The following NCALD variants were observed in gnomAD, a reference collection of about 807,000 sequenced individuals.
NCALD encodes neurocalcin-delta.
NCALD carries 10 observed loss-of-function variants against 18.6 expected under a neutral mutation model. The ratio of observed to expected loss-of-function variants is 0.54; its 90% CI spans 0.33 to 0.91. NCALD has a LOEUF of 0.91. Among genes scored for constraint, NCALD ranks in the 40% least tolerant of loss-of-function variants. NCALD has a pLI of 0.03. For missense variants in NCALD, 184 were observed against 247.6 expected, an observed-to-expected ratio of 0.74 and a Z score of 1.72; for synonymous variants, 88 against 87.4, an observed-to-expected ratio of 1.01 and a Z score of -0.04.
intron 4 of NCALD, among the ~76,000 whole-genome samples, chr8:101,796,790 G>A (rs182619562): frequency 3.9e-5 from 6 of 152,262 alleles, no homozygotes; most frequent in South Asian, 4.1e-4. Context: ...AAAAGACACC[G>A]TGAAAGGAAA....
chr8:101,807,028 G>T (rs1813128108), intron 4 of NCALD, among the ~76,000 whole-genome samples: 1 of 152,052 alleles, frequency 6.6e-6, no homozygotes, highest in South Asian at 2.1e-4. Flanking sequence ...AAAGAAGACA[G>T]CTGTCAACCA....
chr8:101,837,886 A>G (rs977368078), intron 4 of NCALD, among the ~76,000 whole-genome samples: 3 of 152,190 alleles, frequency 2.0e-5, no homozygotes, highest in Non-Finnish European at 4.4e-5. Context: ...AAGTCTCAAC[A>G]TTGAAACATT....
chr8:101,874,001 G>A (rs1290682063), intron 4 of NCALD, among the ~76,000 whole-genome samples: 1 of 152,190 alleles, frequency 6.6e-6, no homozygotes, highest in Non-Finnish European at 1.5e-5. Flanking sequence ...TTCACCCCAG[G>A]AAATAGTAGC....
chr8:101,953,097 CTCACAGAGTGGA>C (rs1351637834), intron 2 of NCALD, among the ~76,000 whole-genome samples: 1 of 152,130 alleles, frequency 6.6e-6, no homozygotes, highest in Non-Finnish European at 1.5e-5. Context: ...ACTCCAGTCT[CTCACAGAGTGGA>C]GTAGCTGTCA....
intron 1 of NCALD, among the ~76,000 whole-genome samples, chr8:102,067,350 A>T (rs1226895667): frequency 2.0e-5 from 3 of 152,176 alleles, no homozygotes; most frequent in Non-Finnish European, 4.4e-5. Flanking sequence ...ATCAGTTATC[A>T]CTGAAACAAT....
chr8:101,997,602 C>A (rs1314834484), intron 2 of NCALD, among the ~76,000 whole-genome samples: 1 of 152,172 alleles, frequency 6.6e-6, no homozygotes, highest in Non-Finnish European at 1.5e-5. Context: ...AGAATGTAAT[C>A]TTCTCGGCAT....
At chr8:102,101,081 C>T (rs1825264072) in intron 1 of NCALD, among the ~76,000 whole-genome samples, 1 of 152,174 alleles carries the variant, frequency 6.6e-6, no homozygotes. Context: ...TATACCACGA[C>T]CAGCAACAAA....
At chr8:101,712,587 C>CAAAAAAAAAAAAAAAAAAAAAAAAA (rs201729096) in intron 2 of NCALD, among the ~76,000 whole-genome samples, 1 of 78,904 alleles carries the variant, frequency 1.3e-5, no homozygotes, top group Non-Finnish European at 2.5e-5. Context: ...AAATGGAAAG[C>CAAAAAAAAAAAAAAAAAAAAAAAAA]AAAAAAAAAA....
At chr8:101,908,217 T>C (rs1586736923) in intron 3 of NCALD, among the ~76,000 whole-genome samples, 1 of 152,362 alleles carries the variant, frequency 6.6e-6, no homozygotes, top group East Asian at 1.9e-4. Context: ...TTAAATCACA[T>C]GCCAGGTGGC....
chr8:102,078,194 T>TA (rs918903352), intron 1 of NCALD, among the ~76,000 whole-genome samples: 48 of 152,218 alleles, frequency 3.2e-4, no homozygotes, highest in African/African-American at 1.1e-3. Context: ...CTCTTCTTTT[T>TA]ATCACACCAT....
chr8:101,957,903 T>C (rs1199314479), intron 2 of NCALD, among the ~76,000 whole-genome samples: 1 of 152,004 alleles, frequency 6.6e-6, no homozygotes, highest in East Asian at 1.9e-4. Flanking sequence ...ACAGCAGAGG[T>C]CCCTTACTTG....
At chr8:102,123,141 T>C (rs1277975583) in intron 1 of NCALD, among the ~76,000 whole-genome samples, 3 of 152,256 alleles carry the variant, frequency 2.0e-5, no homozygotes, top group Non-Finnish European at 2.9e-5. Flanking sequence ...CAGCAAACTC[T>C]GCTCTTGGTA....
rs1308614091 is a variant in NCALD at position 101,689,601 on chromosome 8, A to G, written c.485-195T>C. On this transcript the variant is annotated intron_variant, in intron 3 of 3. Coordinates refer to ENST00000220931, the MANE Select transcript of NCALD (RefSeq NM_032041.3). The surrounding 1 kb of genome is among the most constrained non-coding windows in gnomAD (Gnocchi z 4.4). ...ACACTGCTGCCTCATTCACCATGGC[A>G]TTGCCAGCACTTAGGACAGTACATG... is the stretch of plus-strand genomic sequence containing the variant. Among the ~76,000 whole-genome samples the G allele has an allele frequency of 6.6e-6, 1 of 152,230 alleles. No homozygotes were observed. Among genetic ancestry groups the G allele is most frequent in the African/African-American group, 2.4e-5 (1 of 41,462 alleles).
intron 2 of NCALD, among the ~76,000 whole-genome samples, chr8:102,012,108 C>T (rs1387926337): frequency 6.6e-6 from 1 of 152,100 alleles, no homozygotes; most frequent in East Asian, 1.9e-4. Flanking sequence ...TGAGTCCACA[C>T]TGGGAATGCA....
At chr8:101,811,994 T>C (rs886939545) in intron 4 of NCALD, among the ~76,000 whole-genome samples, 1 of 152,204 alleles carries the variant, frequency 6.6e-6, no homozygotes, top group Non-Finnish European at 1.5e-5. Context: ...AAATCTAGCA[T>C]TGCAGAAAAG....
chr8:101,864,183 C>T (rs763076476), intron 4 of NCALD, among the ~76,000 whole-genome samples: 4 of 152,182 alleles, frequency 2.6e-5, no homozygotes, highest in East Asian at 3.8e-4. Context: ...TCCTGCTATA[C>T]GGTGGCTCAA....
chr8:101,777,988 G>C (rs1205182588), intron 1 of NCALD, among the ~76,000 whole-genome samples: 1 of 152,202 alleles, frequency 6.6e-6, no homozygotes, highest in Non-Finnish European at 1.5e-5. Context: ...TGGAGCCATA[G>C]GGAGAAGGAA....
At chr8:101,816,048 A>G (rs558333879) in intron 4 of NCALD, among the ~76,000 whole-genome samples, 27 of 152,310 alleles carry the variant, frequency 1.8e-4, no homozygotes, top group Admixed American at 3.3e-4. Context: ...TGAAAAGGCT[A>G]CATACTGTAT....
At chr8:102,035,105 C>T (rs138035805) in intron 1 of NCALD, among the ~76,000 whole-genome samples, 4 of 152,216 alleles carry the variant, frequency 2.6e-5, no homozygotes, top group Admixed American at 1.3e-4. Context: ...GAGTTGAAAA[C>T]GATATTAGAA....
Sources: allele counts gnomAD v4.1 joint callset (sites outside exome capture counted in the v4.1 genomes callset), GRCh38; gene constraint gnomAD v4.1.1; non-coding constraint Gnocchi (gnomAD v3.1); transcripts MANE v1.5; gene names NCBI Gene and HGNC (gene_info 2026-07-23, HGNC 2026-07-21).